NOX4: variants seen among roughly 807,000 people sequenced by gnomAD.
NOX4 encodes the protein kidney oxidase-1.
A neutral mutation model predicts 87.6 loss-of-function variants in NOX4; 69 were observed. The observed-to-expected ratio is 0.79, with a 90% CI of 0.65 to 0.96. The LOEUF is 0.96. Among genes scored for constraint, NOX4 ranks in the 40% least tolerant of loss-of-function variants. The pLI, the probability that NOX4 is intolerant of heterozygous loss-of-function variation, is 0.00. For synonymous variants in NOX4, 275 were observed against 238.2 expected (o/e 1.15, Z -1.42); for missense variants, 680 against 681.5 (o/e 1.00, Z 0.02).
At chr11:89,333,873 T>A (rs993433173) in intron 17 of NOX4, among the ~76,000 whole-genome samples, 1 of 151,798 alleles carries the variant, frequency 6.6e-6, no homozygotes, top group Non-Finnish European at 1.5e-5. Context: ...AAAGTCAAAG[T>A]GTTGTACAAA....
At chr11:89,496,591 A>C (rs886527734), upstream of NOX4, among the ~76,000 whole-genome samples, 5 of 151,278 alleles carry the variant, frequency 3.3e-5, no homozygotes, top group African/African-American at 1.2e-4. Flanking sequence ...AAAAAAAAAA[A>C]GAGAAAAAAT....
chr11:89,341,645 G>A (rs1946007939), intron 14 of NOX4, among the ~76,000 whole-genome samples: 1 of 151,646 alleles, frequency 6.6e-6, no homozygotes, highest in Non-Finnish European at 1.5e-5. Flanking sequence ...TTTTTTACTT[G>A]CCCCATTTGA....
At chr11:89,579,903 C>A in the NOX4 span, among the ~76,000 whole-genome samples, 3 of 149,170 alleles carry the variant, frequency 2.0e-5, no homozygotes, top group Non-Finnish European at 3.0e-5. Flanking sequence ...GTAAATGCTC[C>A]AAGGTCAAAT....
chr11:89,402,597 G>A (rs1356981297), intron 8 of NOX4, 55 bp from the exon 9 acceptor site: 1 of 1,305,504 alleles, frequency 7.7e-7, no homozygotes, highest in African/African-American at 1.5e-5. Flanking sequence ...TGAGATCAGG[G>A]GACACGGTAA....
intron 8 of NOX4, among the ~76,000 whole-genome samples, chr11:89,412,941 T>C (rs1456339783): frequency 2.0e-5 from 3 of 151,984 alleles, no homozygotes; most frequent in Non-Finnish European, 2.9e-5. Context: ...TGACAAGAGA[T>C]TAGTAACCAA....
At chr11:89,586,458 G>T in the NOX4 span, among the ~76,000 whole-genome samples, 1 of 152,166 alleles carries the variant, frequency 6.6e-6, no homozygotes, top group Non-Finnish European at 1.5e-5. Context: ...CTAAGTGTCA[G>T]AGTGAGCTTT....
At chr11:89,565,994 C>A in the NOX4 span, among the ~76,000 whole-genome samples, 1 of 151,226 alleles carries the variant, frequency 6.6e-6, no homozygotes, top group Non-Finnish European at 1.5e-5. Flanking sequence ...TTTAAGACAG[C>A]TGCATCTCTG....
Position 89,444,204 on chromosome 11 carries a change from A to G in NOX4, c.378T>C (p.Asn126=), listed in dbSNP as rs148405952. The G allele has an allele frequency of 1.2e-6, 2 of 1,613,618 alleles. No individual in the cohort carries two copies. Among genetic ancestry groups the G allele is most frequent in the South Asian group, 1.1e-5 (1 of 91,072 alleles). Residue 126 remains asparagine, a synonymous_variant, in exon 5 of 18, where the codon AAT becomes AAC. Transcript: ENST00000263317. The part of the protein sequence containing the change: ...SGVHVAAHLV[N]ALNFSVNYSE... ...TGTAATTCACTGAGAAGTTGAGGGCATTCACCAGATGGGCAGCCACATGCA... is the reference window on the plus strand; with the variant it reads ...TGTAATTCACTGAGAAGTTGAGGGCGTTCACCAGATGGGCAGCCACATGCA...
intron 2 of NOX4, among the ~76,000 whole-genome samples, chr11:89,471,371 G>A (rs954059835): frequency 6.6e-6 from 1 of 151,962 alleles, no homozygotes; most frequent in South Asian, 2.1e-4. Context: ...TATGTTCTGA[G>A]CAACGAAAGT....
the NOX4 span, among the ~76,000 whole-genome samples, chr11:89,578,040 C>T: frequency 5.3e-5 from 8 of 151,926 alleles, no homozygotes; most frequent in African/African-American, 1.7e-4. Context: ...TTTCTTAGGG[C>T]CCTAGGAGGT....
chr11:89,566,878 C>A, the NOX4 span, among the ~76,000 whole-genome samples: 1 of 152,056 alleles, frequency 6.6e-6, no homozygotes, highest in Admixed American at 6.6e-5. Flanking sequence ...TTACCATGGA[C>A]CTCTAGAGTA....
At chr11:89,412,610 C>G (rs545570838) in intron 8 of NOX4, among the ~76,000 whole-genome samples, 5 of 152,008 alleles carry the variant, frequency 3.3e-5, no homozygotes, top group Admixed American at 2.6e-4. Context: ...TTTTGAAATG[C>G]ATGATAATGG....
intron 5 of NOX4, 191 bp downstream of exon 5, chr11:89,443,944 C>G (rs938467122): frequency 1.9e-6 from 1 of 539,594 alleles, no homozygotes; most frequent in African/African-American, 1.9e-5. Flanking sequence ...CTCTCACTTT[C>G]AGCAGGAGAC....
chr11:89,364,252 CTCTT>C (rs993758540), intron 12 of NOX4, among the ~76,000 whole-genome samples: 2 of 152,096 alleles, frequency 1.3e-5, no homozygotes, highest in African/African-American at 2.4e-5. Flanking sequence ...GTCTCTCTCT[CTCTT>C]TCTCTCTCTC....
chr11:89,400,070 G>T lies in NOX4; in HGVS notation c.1021C>A (p.Leu341Ile). 11 of 1,604,628 alleles carry T rather than the reference G, an allele frequency of 6.9e-6. No individual in the cohort carries two copies. Among genetic ancestry groups the T allele is most frequent in the Non-Finnish European group, 9.4e-6 (11 of 1,173,032 alleles). Residue 341 changes from leucine to isoleucine, a missense_variant, in exon 11 of 18, where the codon CTA becomes ATA. Leu to Ile is a conservative substitution (Grantham distance 5). Coordinates refer to ENST00000263317, the MANE Select transcript of NOX4 (RefSeq NM_016931.5). ...AATGCAGATACACTGGGACAATGTA[G>T]AGTAATATACTAAAAAGCAACAAAC... is the stretch of plus-strand genomic sequence containing the variant. The part of the protein sequence containing the change: ...FKARPGQYIT[L>I]HCPSVSALEN...
At chr11:89,391,603 A>G (rs946738456) in intron 11 of NOX4, among the ~76,000 whole-genome samples, 1 of 151,866 alleles carries the variant, frequency 6.6e-6, no homozygotes, top group African/African-American at 2.4e-5. Flanking sequence ...ACAATTTTTT[A>G]AAAAGTTTAG....
At chr11:89,361,862 G>T (rs889064587) in intron 12 of NOX4, among the ~76,000 whole-genome samples, 10 of 152,066 alleles carry the variant, frequency 6.6e-5, no homozygotes, top group African/African-American at 2.4e-4. Context: ...TGAAGAACTT[G>T]TTGCCCAGCT....
At chr11:89,387,386 C>A (rs1286588130) in intron 11 of NOX4, among the ~76,000 whole-genome samples, 2 of 152,004 alleles carry the variant, frequency 1.3e-5, no homozygotes, top group Non-Finnish European at 2.9e-5. Context: ...AGAGAACAAC[C>A]ACCTTTGACT....
chr11:89,436,328 T>C (rs1426351080), intron 6 of NOX4, among the ~76,000 whole-genome samples: 7 of 152,226 alleles, frequency 4.6e-5, no homozygotes, highest in Non-Finnish European at 1.0e-4. Flanking sequence ...TAAATCCCAA[T>C]ATATTAGCCT....
Sources: gnomAD v4.1 joint callset for allele counts (sites outside exome capture counted in the v4.1 genomes callset) on GRCh38, gnomAD v4.1.1 for gene constraint, MANE v1.5 for transcripts, NCBI Gene and HGNC (gene_info 2026-07-23, HGNC 2026-07-21) for gene names.